The following BCLAF3 variants were observed in gnomAD, a reference collection of about 807,000 sequenced individuals.
BCLAF3 encodes BCLAF1 and THRAP3 family member 3.
Under a neutral mutation model 51.2 loss-of-function variants are expected in BCLAF3, and 24 were observed. The ratio of observed to expected loss-of-function variants is 0.47; its 90% CI spans 0.34 to 0.66. The LOEUF (loss-of-function observed/expected upper bound fraction) is 0.66. BCLAF3 is among the 30% of genes least tolerant of loss of function. The pLI is 0.01. For synonymous variants in BCLAF3, 152 were observed against 176.6 expected (o/e 0.86, Z 1.10); for missense variants, 465 against 525.1 (o/e 0.89, Z 1.12).
At chrX:19,931,812 T>C (rs538562075) in intron 10 of BCLAF3, among the ~76,000 whole-genome samples, 3 of 112,288 alleles carry the variant, frequency 2.7e-5, no homozygotes, top group East Asian at 2.8e-4. Flanking sequence ...TGACAATTAG[T>C]AGAGATGCTG....
At chrX:19,943,406 C>T (rs1179361657) in intron 8 of BCLAF3, among the ~76,000 whole-genome samples, 1 of 53,100 alleles carries the variant, frequency 1.9e-5, no homozygotes, top group Non-Finnish European at 3.1e-5. Flanking sequence ...CTCTTGTGGG[C>T]ATTTAGTGCT....
chrX:19,964,180 T>TG (rs909568564), intron 4 of BCLAF3, among the ~76,000 whole-genome samples: 2 of 111,567 alleles, frequency 1.8e-5, no homozygotes, highest in African/African-American at 6.5e-5. Context: ...CAAATCAACA[T>TG]GGCCCCCCCC....
chrX:19,968,013 A>G (rs960872815), intron 2 of BCLAF3, among the ~76,000 whole-genome samples: 1 of 112,503 alleles, frequency 8.9e-6, no homozygotes, highest in Non-Finnish European at 1.9e-5. Flanking sequence ...GGAAGATTTC[A>G]TCTCTTTCAC....
chrX:19,940,348 A>G (rs1190163011), intron 8 of BCLAF3, among the ~76,000 whole-genome samples: 3 of 108,904 alleles, frequency 2.8e-5, no homozygotes, highest in Non-Finnish European at 5.7e-5. Context: ...ACATATGTAT[A>G]CATGTGCCAT....
chrX:19,981,495 A>AT (rs1200721052), intron 1 of BCLAF3, among the ~76,000 whole-genome samples: 1 of 112,202 alleles, frequency 8.9e-6, no homozygotes, highest in East Asian at 2.8e-4. Flanking sequence ...GAAATGTAAA[A>AT]TAGAGTAGCC....
At chrX:19,940,275 T>A (rs963797260) in intron 8 of BCLAF3, among the ~76,000 whole-genome samples, 1 of 80,536 alleles carries the variant, frequency 1.2e-5, no homozygotes, top group Non-Finnish European at 2.2e-5. Context: ...TTTATTTATT[T>A]ATTTTTTTTT....
intron 3 of BCLAF3, 101 bp downstream of exon 3, chrX:19,965,979 G>A (rs2072037509): frequency 1.2e-6 from 1 of 819,684 alleles, no homozygotes; most frequent in Admixed American, 3.3e-5. Context: ...TGTCTTTTTA[G>A]ACAAAAGCTT....
chrX:19,932,674 G>T (rs752993388), intron 10 of BCLAF3, among the ~76,000 whole-genome samples: 4 of 109,189 alleles, frequency 3.7e-5, no homozygotes, highest in African/African-American at 1.3e-4. Flanking sequence ...TGGGACTACA[G>T]GTACATGCCA....
At chrX:19,943,965 G>T (rs2071152518) in intron 8 of BCLAF3, among the ~76,000 whole-genome samples, 1 of 77,848 alleles carries the variant, frequency 1.3e-5, no homozygotes, top group African/African-American at 5.0e-5. Flanking sequence ...CTCCTGTATT[G>T]GGTGCATATA....
intron 8 of BCLAF3, among the ~76,000 whole-genome samples, chrX:19,940,906 ATT>A (rs1279237628): frequency 1.8e-5 from 2 of 110,465 alleles, no homozygotes; most frequent in Non-Finnish European, 3.8e-5. Flanking sequence ...AAGTGTTCCT[ATT>A]TCTCCACATC....
At chrX:19,979,593 T>C (rs1320138352) in intron 1 of BCLAF3, among the ~76,000 whole-genome samples, 2 of 110,907 alleles carry the variant, frequency 1.8e-5, no homozygotes, top group Admixed American at 9.7e-5. Flanking sequence ...CCGCAATATC[T>C]CTGAGGTATG....
chrX:19,934,242 G>C (rs1484618130), intron 10 of BCLAF3, among the ~76,000 whole-genome samples: 1 of 112,056 alleles, frequency 8.9e-6, no homozygotes, highest in African/African-American at 3.2e-5. Flanking sequence ...TTATGTTAAA[G>C]TATCTTCCCT....
intron 11 of BCLAF3, among the ~76,000 whole-genome samples, chrX:19,919,415 T>G (rs1311532582): frequency 8.9e-6 from 1 of 111,883 alleles, no homozygotes. Flanking sequence ...AGCGTCATAG[T>G]GGGTGTCTGT....
At chrX:19,987,097 T>C (rs924828795) in intron 1 of BCLAF3, among the ~76,000 whole-genome samples, 3 of 110,624 alleles carry the variant, frequency 2.7e-5, no homozygotes, top group African/African-American at 6.6e-5. Flanking sequence ...TGAACCACCA[T>C]GCCCAGCCAG....
chrX:19,929,055 CAG>C (rs1402678784), intron 11 of BCLAF3: 1 of 111,384 alleles, frequency 9.0e-6, no homozygotes, highest in African/African-American at 3.3e-5. Context: ...AAATTGCTAA[CAG>C]AGTAGATTTT....
At chrX:19,967,695 C>T (rs1474359774) in intron 2 of BCLAF3, among the ~76,000 whole-genome samples, 1 of 111,993 alleles carries the variant, frequency 8.9e-6, no homozygotes, top group African/African-American at 3.2e-5. Context: ...GTCTTCTAAT[C>T]AATGAGGAAG....
intron 2 of BCLAF3, among the ~76,000 whole-genome samples, chrX:19,969,977 C>T (rs1356763852): frequency 2.7e-5 from 3 of 112,292 alleles, no homozygotes; most frequent in African/African-American, 9.7e-5. Context: ...AAATGTAATA[C>T]TCTCAAAGAT....
intron 4 of BCLAF3, among the ~76,000 whole-genome samples, chrX:19,963,533 A>G (rs1463439771): frequency 8.9e-6 from 1 of 112,047 alleles, no homozygotes; most frequent in Non-Finnish European, 1.9e-5. Flanking sequence ...AATGCAAATA[A>G]AATTGTTGTA....
chrX:19,944,542 TTGGC>T (rs1168520509), intron 8 of BCLAF3, among the ~76,000 whole-genome samples: 1 of 76,165 alleles, frequency 1.3e-5, no homozygotes, highest in Non-Finnish European at 2.2e-5. Flanking sequence ...GAAGCTTAGT[TTGGC>T]TGGATATGAA....
Sources: allele counts gnomAD v4.1 joint callset (sites outside exome capture counted in the v4.1 genomes callset), GRCh38; gene constraint gnomAD v4.1.1; transcripts MANE v1.5; gene names NCBI Gene and HGNC (gene_info 2026-07-23, HGNC 2026-07-21).